Variants in SPOCK1 observed in about 807,000 individuals in gnomAD.
The protein encoded by SPOCK1 is SPARC (osteonectin), cwcv and kazal like domains proteoglycan 1.
A neutral mutation model predicts 55.3 loss-of-function variants in SPOCK1; 23 were observed. That is an observed-to-expected ratio of 0.42 (90% CI 0.30 to 0.59). The LOEUF is 0.59. Ranked by LOEUF, SPOCK1 falls within the 20% of genes least tolerant of loss-of-function variation. SPOCK1 has a pLI of 0.22. For synonymous variants in SPOCK1, 226 were observed against 221.0 expected (o/e 1.02, Z -0.20); for missense variants, 499 against 552.5 (o/e 0.90, Z 0.97).
intron 2 of SPOCK1, among the ~76,000 whole-genome samples, chr5:137,445,950 A>G (rs1440635268): frequency 6.6e-6 from 1 of 152,230 alleles, no homozygotes; most frequent in Non-Finnish European, 1.5e-5. Context: ...AGCACAAAAT[A>G]CAAACTGTGA....
At chr5:137,459,037 G>T (rs1229494769) in intron 2 of SPOCK1, among the ~76,000 whole-genome samples, 1 of 152,186 alleles carries the variant, frequency 6.6e-6, no homozygotes. Flanking sequence ...ATTCCATGTG[G>T]TCAGGTGGTC....
intron 3 of SPOCK1, among the ~76,000 whole-genome samples, chr5:137,180,241 G>A (rs1333251832): frequency 4.6e-5 from 7 of 151,972 alleles, no homozygotes; most frequent in Non-Finnish European, 1.0e-4. Flanking sequence ...GTTGAGCCAA[G>A]TGTAACATGT....
intron 2 of SPOCK1, among the ~76,000 whole-genome samples, chr5:137,439,963 T>A (rs1410836355): frequency 1.3e-5 from 2 of 152,110 alleles, no homozygotes; most frequent in African/African-American, 4.8e-5. Context: ...TAGTCCCTCT[T>A]ACAGATGAAC....
At chr5:137,008,292 A>AC (rs770674469) in intron 6 of SPOCK1, among the ~76,000 whole-genome samples, 1,570 of 132,264 alleles carry the variant, frequency 0.012, 10 homozygotes, top group Non-Finnish European at 0.018. Context: ...GTATAATAAT[A>AC]AATACACACA....
intron 6 of SPOCK1, among the ~76,000 whole-genome samples, chr5:136,995,580 AT>A (rs1350405620): frequency 1.3e-5 from 2 of 152,126 alleles, no homozygotes; most frequent in African/African-American, 2.4e-5. Flanking sequence ...AATAGCCTCT[AT>A]TTTTTCTCTA....
intron 2 of SPOCK1, chr5:137,273,355 G>A: frequency 3.0e-6 from 3 of 984,126 alleles, no homozygotes; most frequent in Non-Finnish European, 3.6e-6. Context: ...TCTACATACA[G>A]TTGAAAAATC....
At chr5:137,257,973 T>C (rs1756670323) in intron 3 of SPOCK1, among the ~76,000 whole-genome samples, 1 of 152,184 alleles carries the variant, frequency 6.6e-6, no homozygotes, top group African/African-American at 2.4e-5. Flanking sequence ...GATTCAATGA[T>C]TAACTGATCA....
chr5:137,031,086 T>C (rs1311295624), intron 6 of SPOCK1, among the ~76,000 whole-genome samples: 2 of 152,242 alleles, frequency 1.3e-5, no homozygotes, highest in Admixed American at 6.5e-5. Context: ...TTTTTTTAAA[T>C]AGCATTTAAG....
rs74317576 is a variant in SPOCK1 at position 136,995,227 on chromosome 5, G to A, written c.590-2627C>T. Among the ~76,000 whole-genome samples the A allele has an allele frequency of 2.9e-3, 439 of 152,210 alleles. 3 individuals carry two copies. The highest frequency in any genetic ancestry group is 9.9e-3 in the African/African-American group (412 of 41,508). On this transcript the variant is annotated intron_variant, in intron 6 of 10. Coordinates refer to ENST00000394945, the MANE Select transcript of SPOCK1 (RefSeq NM_004598.4). ...TATTCTGCCATCCAAGTTTGTTCCC[G>A]TACTTCTCCCCTTCAACTGTTTAAG...
chr5:137,394,463 A>G (rs1751798252), intron 2 of SPOCK1, among the ~76,000 whole-genome samples: 1 of 152,232 alleles, frequency 6.6e-6, no homozygotes, highest in African/African-American at 2.4e-5. Context: ...ATTATAATTC[A>G]TCACAAGGCT....
chr5:137,473,799 G>A (rs1294070507), intron 2 of SPOCK1, among the ~76,000 whole-genome samples: 6 of 152,230 alleles, frequency 3.9e-5, no homozygotes, highest in South Asian at 2.1e-4. Context: ...TATTTTCTTC[G>A]CACTGTTAGG....
At chr5:137,403,607 T>C (rs1752030456) in intron 2 of SPOCK1, among the ~76,000 whole-genome samples, 1 of 151,676 alleles carries the variant, frequency 6.6e-6, no homozygotes, top group East Asian at 2.0e-4. Flanking sequence ...GTGGCCAGGT[T>C]GTAGTAATAA....
At chr5:137,482,065 AC>A (rs2149842689) in intron 2 of SPOCK1, among the ~76,000 whole-genome samples, 1 of 152,292 alleles carries the variant, frequency 6.6e-6, no homozygotes, top group African/African-American at 2.4e-5. Context: ...AGAGATAGCA[AC>A]CCATGCTGGA....
chr5:137,041,592 A>G (rs1466721072), intron 6 of SPOCK1, among the ~76,000 whole-genome samples: 1 of 152,254 alleles, frequency 6.6e-6, no homozygotes, highest in African/African-American at 2.4e-5. Context: ...TATCCAAAAT[A>G]CAAACGCTCT....
At chr5:137,429,686 G>A (rs1752704322) in intron 2 of SPOCK1, among the ~76,000 whole-genome samples, 1 of 152,204 alleles carries the variant, frequency 6.6e-6, no homozygotes, top group South Asian at 2.1e-4. Context: ...TGGCAGAGCT[G>A]TGGTTTATTA....
At chr5:137,020,788 A>C (rs1751550490) in intron 6 of SPOCK1, among the ~76,000 whole-genome samples, 1 of 152,038 alleles carries the variant, frequency 6.6e-6, no homozygotes, top group Admixed American at 6.6e-5. Flanking sequence ...GAAAGCCAGA[A>C]TGACCAATAA....
At position 137,286,868 on chromosome 5, in the gene SPOCK1, G is replaced by A. The variant is rs148657372; in HGVS notation, c.187-19813C>T. Reference sequence around the variant, plus strand: ...TACATCATTATCTCAAAAGGTAACAGTGGAAAACAGGTACTTTAAAGGAAG... The same window carrying A: ...TACATCATTATCTCAAAAGGTAACAATGGAAAACAGGTACTTTAAAGGAAG... On this transcript the variant is annotated intron_variant, in intron 2 of 10. Coordinates refer to ENST00000394945, the MANE Select transcript of SPOCK1 (RefSeq NM_004598.4). Among the ~76,000 whole-genome samples the A allele has an allele frequency of 1.1e-3, 170 of 152,314 alleles. 3 individuals are homozygous for A. Among genetic ancestry groups the A allele is most frequent in the African/African-American group, 4.0e-3 (168 of 41,564 alleles).
chr5:137,107,772 C>A (rs765623650), intron 5 of SPOCK1, among the ~76,000 whole-genome samples: 3 of 152,096 alleles, frequency 2.0e-5, no homozygotes, highest in Non-Finnish European at 4.4e-5. Context: ...GGACAGATAC[C>A]AGCATCAAGA....
At chr5:137,310,400 T>C (rs2127141976) in intron 2 of SPOCK1, among the ~76,000 whole-genome samples, 1 of 152,282 alleles carries the variant, frequency 6.6e-6, no homozygotes, top group Non-Finnish European at 1.5e-5. Flanking sequence ...GTCATCCTCA[T>C]TTAAGAATTT....
Sources: gnomAD v4.1 joint callset for allele counts (sites outside exome capture counted in the v4.1 genomes callset) on GRCh38, gnomAD v4.1.1 for gene constraint, MANE v1.5 for transcripts, NCBI Gene and HGNC (gene_info 2026-07-23, HGNC 2026-07-21) for gene names.